RIMBP2: variants seen among roughly 807,000 people sequenced by gnomAD.
RIMBP2 encodes the protein RIMS binding protein 2.
A neutral mutation model predicts 118.6 loss-of-function variants in RIMBP2; 48 were observed. That is an observed-to-expected ratio of 0.40 (90% CI 0.32 to 0.51). The LOEUF is 0.51. RIMBP2 is among the 20% of genes least tolerant of loss of function. The probability of loss-of-function intolerance (pLI) is 0.41; values close to 1 mark genes in which losing one functional copy is unlikely to be tolerated. For synonymous variants in RIMBP2, 762 were observed against 742.9 expected, an observed-to-expected ratio of 1.03 and a Z score of -0.42; for missense variants, 1,551 against 1,768.3, an observed-to-expected ratio of 0.88 and a Z score of 2.20.
At position 130,431,147 on chromosome 12, in the gene RIMBP2, C is replaced by T. The variant is rs2077123724; in HGVS notation, c.2254-2810G>A. On this transcript the variant is annotated intron_variant, in intron 14 of 22. Transcript: ENST00000690449. The surrounding 1 kb of genome is among the most constrained non-coding windows in gnomAD (Gnocchi z 4.0). ...TTTTTCAGAGCAAATGTCCCAGCTA[C>T]TCTCAGCCTCCCTTCTTTCATTCAT... Among the ~76,000 whole-genome samples, 1 of 152,158 alleles carries T rather than the reference C, an allele frequency of 6.6e-6. No individual in the cohort carries two copies. Among genetic ancestry groups the T allele is most frequent in the Non-Finnish European group, 1.5e-5 (1 of 68,036 alleles).
Position 130,451,195 on chromosome 12 carries a change from G to C in RIMBP2, c.504C>G (p.Asp168Glu). The change falls in exon 8 of 23, where the codon GAC (aspartate) becomes GAG (glutamate). Residue 168 changes from aspartate to glutamate, a missense_variant and splice_region_variant. Around this residue, in one of 5 missense-constraint regions of RIMBP2, gnomAD observed 239 missense variants for 256.8 expected, o/e 0.93. Transcript: ENST00000690449. ...GCAGCCCCTGCGGGACGGGACTCAC[G>C]TCTGACTCAGATCTGCATCTTGCGC... is the stretch of plus-strand genomic sequence containing the variant. ...SGSARCRSES[D>E]MENERNSNTS... 2 of 1,613,532 alleles carry C rather than the reference G, an allele frequency of 1.2e-6. No individual in the cohort carries two copies. Among genetic ancestry groups the C allele is most frequent in the Non-Finnish European group, 1.7e-6 (2 of 1,179,706 alleles).
chr12:130,708,174 G>A (rs1266304503), intron 1 of RIMBP2, among the ~76,000 whole-genome samples: 2 of 152,192 alleles, frequency 1.3e-5, no homozygotes, highest in African/African-American at 4.8e-5. Context: ...CACGTAAGAT[G>A]TCCACGGCGG....
chr12:130,490,122 TCAA>T (rs147243536), intron 4 of RIMBP2, among the ~76,000 whole-genome samples: 36,829 of 82,800 alleles, frequency 0.44, 4,949 homozygotes, highest in Middle Eastern at 0.5. Context: ...AGACTCTGTC[TCAA>T]AAAAAAAAAA....
At chr12:130,438,335 A>AACCCCCCCC in intron 12 of RIMBP2, 30 bp downstream of exon 12, 3 of 865,002 alleles carry the variant, frequency 3.5e-6, no homozygotes, top group Admixed American at 1.8e-5. Flanking sequence ...GGCCTAACAA[A>AACCCCCCCC]CCCTCCCCAC....
chr12:130,616,774 C>T (rs1474920834), intron 2 of RIMBP2, among the ~76,000 whole-genome samples: 4 of 152,182 alleles, frequency 2.6e-5, no homozygotes, highest in African/African-American at 9.6e-5. Context: ...AGGAGAGCTC[C>T]TTCTACATCG....
intron 2 of RIMBP2, among the ~76,000 whole-genome samples, chr12:130,572,202 G>A (rs907170999): frequency 3.6e-5 from 3 of 83,554 alleles, no homozygotes; most frequent in Admixed American, 1.2e-4. Flanking sequence ...CAAAGCGGCC[G>A]GAAAACCCAC....
chr12:130,530,859 G>A (rs1308686990), intron 2 of RIMBP2, among the ~76,000 whole-genome samples: 3 of 152,180 alleles, frequency 2.0e-5, no homozygotes, highest in African/African-American at 7.2e-5. Flanking sequence ...GCCACATTCA[G>A]TTATATGAGC....
At chr12:130,642,249 C>A (rs952963562) in intron 1 of RIMBP2, among the ~76,000 whole-genome samples, 1 of 151,724 alleles carries the variant, frequency 6.6e-6, no homozygotes, top group African/African-American at 2.4e-5. Flanking sequence ...GAGGCCCTGG[C>A]TCCGGCTGGG....
At chr12:130,685,555 C>G (rs1242723508) in intron 1 of RIMBP2, among the ~76,000 whole-genome samples, 1 of 152,082 alleles carries the variant, frequency 6.6e-6, no homozygotes, top group Admixed American at 6.5e-5. Flanking sequence ...CTGAGTGGCC[C>G]GGCAGCCACT....
intron 2 of RIMBP2, among the ~76,000 whole-genome samples, chr12:130,522,393 T>C (rs111433855): frequency 0.049 from 7,522 of 152,208 alleles, 252 homozygotes; most frequent in African/African-American, 0.091. Flanking sequence ...CAGGCCCCAG[T>C]CTTAGAGGGC....
rs972634517 is a variant in RIMBP2 at position 130,396,397 on chromosome 12, A to T, written c.*964T>A. ...AAAAACAATTTACAAGTGGACAAGAATTACAAAAGAGTAACCATCAAATAC... is the reference window on the plus strand; with the variant it reads ...AAAAACAATTTACAAGTGGACAAGATTTACAAAAGAGTAACCATCAAATAC... On this transcript the variant is annotated 3_prime_UTR_variant, in exon 23 of 23. Transcript: ENST00000690449. 7 of 152,710 alleles carry T rather than the reference A, an allele frequency of 4.6e-5. No individual in the cohort carries two copies. Among genetic ancestry groups the T allele is most frequent in the Admixed American group, 4.6e-4 (7 of 15,286 alleles). The allele number at this position is 152,710 out of a possible 1,614,324, so 9.5% of individuals were successfully genotyped here.
chr12:130,449,471 G>A (rs1357376065), intron 9 of RIMBP2, among the ~76,000 whole-genome samples: 3 of 152,168 alleles, frequency 2.0e-5, no homozygotes, highest in African/African-American at 4.8e-5. Flanking sequence ...GGCTGTCATC[G>A]CAGCGAGATG....
chr12:130,438,335 A>AGCCCAC, intron 12 of RIMBP2, 30 bp downstream of exon 12: 2 of 865,004 alleles, frequency 2.3e-6, no homozygotes, highest in Non-Finnish European at 3.8e-6. Flanking sequence ...GGCCTAACAA[A>AGCCCAC]CCCTCCCCAC....
chr12:130,664,479 A>C (rs2063833394), intron 1 of RIMBP2, among the ~76,000 whole-genome samples: 1 of 148,014 alleles, frequency 6.8e-6, no homozygotes, highest in Admixed American at 6.7e-5. Flanking sequence ...ACGCACGCAC[A>C]CGCATCACAC....
chr12:130,546,033 C>T (rs2055110393), intron 2 of RIMBP2, among the ~76,000 whole-genome samples: 1 of 151,920 alleles, frequency 6.6e-6, no homozygotes, highest in Non-Finnish European at 1.5e-5. Context: ...GTGACATATG[C>T]CCCTCATGGG....
intron 2 of RIMBP2, among the ~76,000 whole-genome samples, chr12:130,574,216 T>G (rs2057913933): frequency 6.6e-6 from 1 of 152,156 alleles, no homozygotes; most frequent in African/African-American, 2.4e-5. Flanking sequence ...TGGCTGGAGC[T>G]AAATAAATGC....
chr12:130,651,459 C>T (rs1290253208), intron 1 of RIMBP2: 1 of 152,240 alleles, frequency 6.6e-6, no homozygotes, highest in Non-Finnish European at 1.5e-5. Flanking sequence ...GTGTCATGCT[C>T]ACCACTCCCC....
At chr12:130,615,350 G>A (rs11061037) in intron 2 of RIMBP2, among the ~76,000 whole-genome samples, 21,754 of 144,434 alleles carry the variant, frequency 0.15, 1,836 homozygotes, top group Non-Finnish European at 0.2. Context: ...TCACTCTGTC[G>A]CCCAGGCTGG....
chr12:130,480,121 CT>C (rs975760528), intron 4 of RIMBP2, among the ~76,000 whole-genome samples: 8 of 151,794 alleles, frequency 5.3e-5, no homozygotes, highest in African/African-American at 1.9e-4. Context: ...AAAACATTTC[CT>C]GGGGTCCCCA....
Sources: allele counts gnomAD v4.1 joint callset (sites outside exome capture counted in the v4.1 genomes callset), GRCh38; gene constraint gnomAD v4.1.1; regional missense constraint gnomAD v4.1.1; non-coding constraint Gnocchi (gnomAD v3.1); transcripts MANE v1.5; gene names NCBI Gene and HGNC (gene_info 2026-07-23, HGNC 2026-07-21).